Variants in CELSR1 observed in about 807,000 individuals in gnomAD.
CELSR1 encodes the protein adhesion G protein-coupled receptor C1.
Under a neutral mutation model 249.1 loss-of-function variants are expected in CELSR1, and 110 were observed. That is an observed-to-expected ratio of 0.44 (90% CI 0.38 to 0.52). The LOEUF is 0.52. CELSR1 is among the 20% of genes least tolerant of loss of function. CELSR1 has a pLI of 0.00. For missense variants in CELSR1, 4,109 were observed against 4,296.4 expected, an observed-to-expected ratio of 0.96 and a Z score of 1.22; for synonymous variants, 2,113 against 1,900.0, an observed-to-expected ratio of 1.11 and a Z score of -2.92.
chr22:46,461,835 G>A (rs2080032113), intron 2 of CELSR1, among the ~76,000 whole-genome samples: 1 of 152,254 alleles, frequency 6.6e-6, no homozygotes, highest in Admixed American at 6.5e-5. Context: ...CCCCACCCAG[G>A]CCACATGGCA....
At position 46,445,753 on chromosome 22, in the gene CELSR1, G is replaced by A. The variant is rs1339693740; in HGVS notation, c.4184-6342C>T. Among the ~76,000 whole-genome samples the A allele has an allele frequency of 3.9e-5, 6 of 152,208 alleles. No individual in the cohort carries two copies. Among genetic ancestry groups the A allele is most frequent in the Non-Finnish European group, 1.5e-5 (1 of 68,032 alleles). On this transcript the variant is annotated intron_variant, in intron 2 of 34. Transcript: ENST00000674500. The surrounding 1 kb of genome is among the most constrained non-coding windows in gnomAD (Gnocchi z 4.4). ...CGGTGCCCCGAGAGCAGCAGCGCCT[G>A]GCTGGCAGAGCCTTTCCCGTCGATG...
Position 46,384,678 on chromosome 22 carries a change from C to A in CELSR1, c.6748G>T (p.Val2250Phe), listed in dbSNP as rs1402813568. ...VIVTANMILA[V>F]DIFDKFNFTG... ...AAGTTGAACTTGTCAAAGATGTCGA[C>A]AGCAAGAACTGGGGGGACAGTTCCT... Residue 2250 changes from valine (V) to phenylalanine (F), a missense_variant, in exon 20 of 35, where the codon GTC becomes TTC. Physicochemically the swap from Val to Phe is conservative, Grantham distance 50. This residue lies in a region of CELSR1 where 1,805 missense variants were observed against 1,831.6 expected (regional missense o/e 0.99). Coordinates refer to ENST00000674500, the MANE Select transcript of CELSR1 (RefSeq NM_001378328.1). 33 of 1,612,528 alleles carry A rather than the reference C, an allele frequency of 2.0e-5. No homozygotes were observed. Among genetic ancestry groups the A allele is most frequent in the Admixed American group, 3.3e-5 (2 of 59,802 alleles).
At chr22:46,367,174 T>A in intron 28 of CELSR1, 56 bp from the exon 29 acceptor site, 2 of 1,582,432 alleles carry the variant, frequency 1.3e-6, no homozygotes. Context: ...GCACCTGCCC[T>A]TAGGCGCCCC....
intron 1 of CELSR1, among the ~76,000 whole-genome samples, chr22:46,499,585 C>T (rs1027045629): frequency 6.6e-6 from 1 of 152,172 alleles, no homozygotes; most frequent in Admixed American, 6.5e-5. Flanking sequence ...GAAGCCCTGG[C>T]ACAGATATGC....
In CELSR1 at chr22:46,384,638, A is replaced by G; in HGVS notation, c.6788T>C (p.Val2263Ala). 6.2e-7 allele frequency: 1 copy of G among 1,613,572 alleles called. No individual in the cohort carries two copies. The highest frequency in any genetic ancestry group is 8.5e-7 in the Non-Finnish European group (1 of 1,179,810). Residue 2263 changes from valine to alanine, a missense_variant, in exon 20 of 35, where the codon GTC (valine) becomes GCC (alanine). By Grantham distance (64) the Val-to-Ala change is moderately conservative. Around this residue, in one of 7 missense-constraint regions of CELSR1, gnomAD observed 1,805 missense variants for 1,831.6 expected, o/e 0.99. Coordinates refer to ENST00000674500, the MANE Select transcript of CELSR1 (RefSeq NM_001378328.1). The part of the protein sequence containing the change: ...FDKFNFTGAR[V>A]PRFDTIHEEF... ...TTCATGGATGGTGTCGAATCGCGGG[A>G]CCCTGGCTCCCGTAAAGTTGAACTT...
At chr22:46,367,585 G>A in intron 28 of CELSR1, 144 bp downstream of exon 28, 5 of 1,159,914 alleles carry the variant, frequency 4.3e-6, no homozygotes, top group South Asian at 1.5e-5. Context: ...ACAAGGGACT[G>A]AGTCCTCACA....
At chr22:46,378,823 C>A in intron 22 of CELSR1, 106 bp from the exon 23 acceptor site, 1 of 1,415,012 alleles carries the variant, frequency 7.1e-7, no homozygotes, top group Non-Finnish European at 9.5e-7. Flanking sequence ...GCCATCCTGG[C>A]CAAACCAAAC....
At chr22:46,489,057 C>T (rs925259732) in intron 1 of CELSR1, among the ~76,000 whole-genome samples, 1 of 152,134 alleles carries the variant, frequency 6.6e-6, no homozygotes, top group Non-Finnish European at 1.5e-5. Context: ...CATGGCAGGG[C>T]AGGGCCACCT....
At position 46,364,042 on chromosome 22, in the gene CELSR1, T is replaced by C. The variant is rs759059671; in HGVS notation, c.8989A>G (p.Met2997Val). ...TGGGCGCTCCCAGTGCGCACATTCATGGCCACCCCGTTGAGGTGGTCACGC... is the reference window on the plus strand; with the variant it reads ...TGGGCGCTCCCAGTGCGCACATTCACGGCCACCCCGTTGAGGTGGTCACGC... ...PGRDHLNGVA[M>V]NVRTGSAQAD... The change falls in exon 34 of 35, where the codon ATG (methionine) becomes GTG (valine). Residue 2997 changes from methionine (M) to valine (V), a missense_variant. Met to Val is a conservative substitution (Grantham distance 21). This residue lies in a region of CELSR1 where 1,805 missense variants were observed against 1,831.6 expected (regional missense o/e 0.99). Transcript: ENST00000674500. 27 of 1,611,836 alleles carry C rather than the reference T, an allele frequency of 1.7e-5. No homozygotes were observed. Among genetic ancestry groups the C allele is most frequent in the Non-Finnish European group, 2.3e-5 (27 of 1,179,486 alleles).
chr22:46,373,208 G>A (rs1050438024), intron 24 of CELSR1, 151 bp from the exon 25 acceptor site: 5 of 851,396 alleles, frequency 5.9e-6, no homozygotes, highest in Non-Finnish European at 6.8e-6. Flanking sequence ...TCTGGCCAAT[G>A]GCTGAGAGCC....
At chr22:46,462,288 C>T (rs1602170562) in intron 2 of CELSR1, among the ~76,000 whole-genome samples, 1 of 152,200 alleles carries the variant, frequency 6.6e-6, no homozygotes, top group East Asian at 1.9e-4. Flanking sequence ...CTTCCACCTG[C>T]CATATGACCA....
At chr22:46,485,504 G>C (rs534497324) in intron 1 of CELSR1, among the ~76,000 whole-genome samples, 22 of 152,250 alleles carry the variant, frequency 1.4e-4, no homozygotes, top group Non-Finnish European at 2.9e-4. Context: ...TGCATGCGGG[G>C]CCGCCAGGCA....
At position 46,412,047 on chromosome 22, in the gene CELSR1, T is replaced by G. The variant is rs2079343252; in HGVS notation, c.4612-288A>C. ...ACGTCCTGGAGTAGGCGGGCCCTGATCCAAGATGACTGGTGTCCTCTTAAG... is the reference window on the plus strand; with the variant it reads ...ACGTCCTGGAGTAGGCGGGCCCTGAGCCAAGATGACTGGTGTCCTCTTAAG... On this transcript the variant is annotated intron_variant, in intron 5 of 34. Coordinates refer to ENST00000674500, the MANE Select transcript of CELSR1 (RefSeq NM_001378328.1). This position sits in a 1 kb window ranked among gnomAD's most constrained non-coding sequence, Gnocchi z 4.5. 6.6e-6 allele frequency among the ~76,000 whole-genome samples: 1 copy of G among 152,092 alleles called. No homozygotes were observed. Among genetic ancestry groups the G allele is most frequent in the Non-Finnish European group, 1.5e-5 (1 of 68,014 alleles).
chr22:46,402,874 G>A lies in CELSR1; in HGVS notation c.5227-2972C>T, dbSNP rs1265519815. 2.0e-5 allele frequency among the ~76,000 whole-genome samples: 3 copies of A among 152,026 alleles called. No homozygotes were observed. Among genetic ancestry groups the A allele is most frequent in the African/African-American group, 7.2e-5 (3 of 41,402 alleles). On this transcript the variant is annotated intron_variant, in intron 9 of 34. Transcript: ENST00000674500. The surrounding 1 kb of genome is among the most constrained non-coding windows in gnomAD (Gnocchi z 5.0). ...ACTTCAAAAAATAGCCTAGATTTTA[G>A]AAAAACAACTATTAGCACACTGCTT...
In CELSR1 at chr22:46,517,537, C is replaced by G. The variant is rs2147783669; in HGVS notation, c.3544+16090G>C. Among the ~76,000 whole-genome samples the G allele has an allele frequency of 6.6e-6, 1 of 152,310 alleles. No individual in the cohort carries two copies. Among genetic ancestry groups the G allele is most frequent in the East Asian group, 1.9e-4 (1 of 5,186 alleles). On this transcript the variant is annotated intron_variant, in intron 1 of 34. Coordinates refer to ENST00000674500, the MANE Select transcript of CELSR1 (RefSeq NM_001378328.1). This position sits in a 1 kb window ranked among gnomAD's most constrained non-coding sequence, Gnocchi z 5.4. ...CCCCAGGCCGGCTCTTGTCTTGGTA[C>G]CTCTGTCCACAGTAAGGTGCCCCTG...
intron 1 of CELSR1, among the ~76,000 whole-genome samples, chr22:46,483,595 TC>T (rs1197472560): frequency 6.6e-6 from 1 of 152,096 alleles, no homozygotes; most frequent in African/African-American, 2.4e-5. Context: ...ATTTCCTGCC[TC>T]CTGGAGTCCC....
intron 5 of CELSR1, among the ~76,000 whole-genome samples, chr22:46,415,896 C>T (rs922938805): frequency 1.3e-5 from 2 of 152,198 alleles, no homozygotes; most frequent in African/African-American, 4.8e-5. Context: ...GTGATCTGGG[C>T]TCAGATCATC....
intron 1 of CELSR1, among the ~76,000 whole-genome samples, chr22:46,499,854 A>G (rs1356220014): frequency 2.0e-5 from 3 of 152,012 alleles, no homozygotes; most frequent in Non-Finnish European, 4.4e-5. Context: ...TCTGTCAGAC[A>G]TAAAACCCCT....
chr22:46,472,241 T>C lies in CELSR1; in HGVS notation c.3545-7896A>G, dbSNP rs573866298. On this transcript the variant is annotated intron_variant, in intron 1 of 34. Transcript: ENST00000674500. The surrounding 1 kb of genome is among the most constrained non-coding windows in gnomAD (Gnocchi z 7.0). ...TGAACCACATCATGGGAAGGAACTT[T>C]CTGGGTCTTCATGGAGGTTGGGACC... Among the ~76,000 whole-genome samples, 56 of 152,326 alleles carry C rather than the reference T, an allele frequency of 3.7e-4. No individual in the cohort carries two copies. Among genetic ancestry groups the C allele is most frequent in the African/African-American group, 1.2e-3 (50 of 41,576 alleles).
Sources: gnomAD v4.1 joint callset for allele counts (sites outside exome capture counted in the v4.1 genomes callset) on GRCh38, gnomAD v4.1.1 for gene constraint, gnomAD v4.1.1 regional missense constraint, Gnocchi (gnomAD v3.1) non-coding constraint, MANE v1.5 for transcripts, NCBI Gene and HGNC (gene_info 2026-07-23, HGNC 2026-07-21) for gene names.